Variants in SBK1 observed in about 807,000 individuals in gnomAD.
The protein encoded by SBK1 is SH3 domain binding kinase 1, also known as serine/threonine-protein kinase SBK1.
A neutral mutation model predicts 24.4 loss-of-function variants in SBK1; 11 were observed. The ratio of observed to expected loss-of-function variants is 0.45; its 90% CI spans 0.28 to 0.75. The LOEUF is 0.75. Among genes scored for constraint, SBK1 ranks in the 30% least tolerant of loss-of-function variants. The pLI, the probability that SBK1 is intolerant of heterozygous loss-of-function variation, is 0.12. For synonymous variants in SBK1, 308 were observed against 284.4 expected (o/e 1.08, Z -0.83); for missense variants, 467 against 620.5 (o/e 0.75, Z 2.63).
At chr16:28,272,992 T>C (rs1416948035) in intron 1 of SBK1, among the ~76,000 whole-genome samples, 1 of 152,138 alleles carries the variant, frequency 6.6e-6, no homozygotes, top group Non-Finnish European at 1.5e-5. Flanking sequence ...TTTTCATCCA[T>C]TCAACCCATT....
intron 1 of SBK1, among the ~76,000 whole-genome samples, chr16:28,302,965 G>GC (rs869040068): frequency 6.6e-6 from 1 of 151,858 alleles, no homozygotes; most frequent in Admixed American, 6.6e-5. Flanking sequence ...AGGGCATGGG[G>GC]GGGGGTCAGG....
chr16:28,306,877 C>T (rs1340326162), intron 1 of SBK1, among the ~76,000 whole-genome samples: 1 of 152,198 alleles, frequency 6.6e-6, no homozygotes, highest in Non-Finnish European at 1.5e-5. Context: ...TAGCTATTTT[C>T]CCAAGGGCCT....
intron 1 of SBK1, among the ~76,000 whole-genome samples, chr16:28,298,052 A>T (rs2044652966): frequency 6.6e-6 from 1 of 151,836 alleles, no homozygotes; most frequent in African/African-American, 2.4e-5. Context: ...TTTCCTGGAG[A>T]CTTTCTGCCC....
At chr16:28,281,172 T>C (rs748560515) in intron 1 of SBK1, among the ~76,000 whole-genome samples, 34 of 152,128 alleles carry the variant, frequency 2.2e-4, no homozygotes, top group Non-Finnish European at 2.4e-4. Flanking sequence ...CCACTAGGAT[T>C]TGAGCCATCC....
intron 1 of SBK1, among the ~76,000 whole-genome samples, chr16:28,294,634 C>T (rs1567675528): frequency 1.3e-5 from 2 of 152,196 alleles, no homozygotes; most frequent in African/African-American, 2.4e-5. Context: ...AGATTCTTGA[C>T]CCTACACCTG....
Position 28,319,003 on chromosome 16 carries a change from A to G in SBK1, c.235A>G (p.Met79Val), listed in dbSNP as rs2044818684. Reference sequence around the variant, plus strand: ...GCTGTTGCTCCCATCAGGCACAAAAATGGCACTGAAGTTTGTGAACAAGAG... The same window carrying G: ...GCTGTTGCTCCCATCAGGCACAAAAGTGGCACTGAAGTTTGTGAACAAGAG... The part of the protein sequence containing the change: ...LVVYKGTGTK[M>V]ALKFVNKSKT... Residue 79 changes from methionine (M) to valine (V), a missense_variant, in exon 3 of 4, where the codon ATG (methionine) becomes GTG (valine). By Grantham distance (21) the Met-to-Val change is conservative. Around this residue, in one of 4 missense-constraint regions of SBK1, gnomAD observed 123 missense variants for 158.2 expected, o/e 0.78. Coordinates refer to ENST00000341901, the MANE Select transcript of SBK1 (RefSeq NM_001024401.3). The surrounding 1 kb of genome is among the most constrained non-coding windows in gnomAD (Gnocchi z 4.0). 6.2e-7 allele frequency: 1 copy of G among 1,613,990 alleles called. No homozygotes were observed. The highest frequency in any genetic ancestry group is 8.5e-7 in the Non-Finnish European group (1 of 1,179,968).
At chr16:28,315,795 T>C (rs1224826283) in intron 1 of SBK1, among the ~76,000 whole-genome samples, 2 of 152,112 alleles carry the variant, frequency 1.3e-5, no homozygotes, top group Admixed American at 6.5e-5. Flanking sequence ...AGACGGAGTC[T>C]TGTTCTGTCG....
In SBK1 at chr16:28,317,608, A is replaced by G. The variant is rs896943465; in HGVS notation, c.217A>G (p.Lys73Glu). 1.9e-6 allele frequency: 3 copies of G among 1,611,164 alleles called. No homozygotes were observed. The highest frequency in any genetic ancestry group is 3.3e-5 in the Admixed American group (2 of 60,010). Residue 73 changes from lysine (K) to glutamate (E), a missense_variant, in exon 2 of 4, where the codon AAG (lysine) becomes GAG (glutamate). Physicochemically the swap from Lys to Glu is moderately conservative, Grantham distance 56. Coordinates refer to ENST00000341901, the MANE Select transcript of SBK1 (RefSeq NM_001024401.3). This position sits in a 1 kb window ranked among gnomAD's most constrained non-coding sequence, Gnocchi z 4.2. ...TYGKVDLVVYKGTGTKMALKF... is the reference protein window; with the variant it reads ...TYGKVDLVVYEGTGTKMALKF... ...TGGGAAGGTTGACCTGGTGGTCTAC[A>G]AGGGCACAGGTGAACAAGTGCAGGG...
At chr16:28,295,357 CT>C (rs1260552300) in intron 1 of SBK1, among the ~76,000 whole-genome samples, 4 of 152,168 alleles carry the variant, frequency 2.6e-5, no homozygotes, top group African/African-American at 9.7e-5. Flanking sequence ...TGCTCTTCCC[CT>C]GACCTGAAAA....
rs1025099125 is a variant in SBK1, at chr16:28,319,283, A to G, written c.429+86A>G. Reference sequence around the variant, plus strand: ...GGGAGTGGAGTCAGACCATTTAATTAACAAGTATTTACTGGGTGCCTGCTG... The same window carrying G: ...GGGAGTGGAGTCAGACCATTTAATTGACAAGTATTTACTGGGTGCCTGCTG... On this transcript the variant is annotated intron_variant, in intron 3 of 3. Transcript: ENST00000341901. This position sits in a 1 kb window ranked among gnomAD's most constrained non-coding sequence, Gnocchi z 4.0. The G allele has an allele frequency of 2.9e-6, 3 of 1,037,672 alleles. No individual in the cohort carries two copies. Among genetic ancestry groups the G allele is most frequent in the African/African-American group, 3.2e-5 (2 of 63,260 alleles). 64.3% of individuals were successfully genotyped at this position (1,037,672 alleles called of 1,614,324 possible). A position where few individuals can be genotyped will look rare whatever the true frequency, so the allele number is the denominator to read the frequency against.
intron 1 of SBK1, among the ~76,000 whole-genome samples, chr16:28,297,752 G>A (rs1361822621): frequency 3.3e-5 from 5 of 152,316 alleles, no homozygotes; most frequent in East Asian, 1.9e-4. Context: ...TAAATGGGGC[G>A]TCGGCAGGTG....
At chr16:28,278,599 AGT>A (rs1209399228) in intron 1 of SBK1, among the ~76,000 whole-genome samples, 3 of 152,046 alleles carry the variant, frequency 2.0e-5, no homozygotes, top group Non-Finnish European at 4.4e-5. Context: ...ACCCAGGCTG[AGT>A]TCAATGGCGC....
rs1420453989 is a variant in SBK1 at position 28,292,556 on chromosome 16, G to A, written c.-752G>A. ...GCGATGGAGCGCAGCCCGGGCGGGC[G>A]CCGGGGCCGGGGCCCGAGCGCCAGG... On this transcript the variant is annotated 5_prime_UTR_variant, in exon 1 of 4. Transcript: ENST00000341901. 3.4e-5 allele frequency: 33 copies of A among 978,748 alleles called. No homozygotes were observed. The highest frequency in any genetic ancestry group is 1.2e-4 in the East Asian group (1 of 8,640). 60.6% of individuals were successfully genotyped at this position (978,748 alleles called of 1,614,324 possible). A position where few individuals can be genotyped will look rare whatever the true frequency, so the allele number is the denominator to read the frequency against.
chr16:28,321,356 C>T lies in SBK1; in HGVS notation c.*435C>T, dbSNP rs996131082. On this transcript the variant is annotated 3_prime_UTR_variant, in exon 4 of 4. Coordinates refer to ENST00000341901, the MANE Select transcript of SBK1 (RefSeq NM_001024401.3). ...GGCAGATCATCCTGCGGTCCCACCC[C>T]AGATCCCCTCCTCCTCGCCATCCCA... 6.5e-6 allele frequency: 1 copy of T among 153,910 alleles called. No homozygotes were observed. Among genetic ancestry groups the T allele is most frequent in the Non-Finnish European group, 1.4e-5 (1 of 69,138 alleles). 9.5% of individuals were successfully genotyped at this position (153,910 alleles called of 1,614,324 possible). A position where few individuals can be genotyped will look rare whatever the true frequency, so the allele number is the denominator to read the frequency against.
intron 1 of SBK1, among the ~76,000 whole-genome samples, chr16:28,298,131 C>G (rs982187324): frequency 3.3e-5 from 5 of 152,212 alleles, no homozygotes; most frequent in African/African-American, 1.2e-4. Context: ...CCTGCTCCCC[C>G]TTTCAGGTCT....
At chr16:28,298,090 T>G (rs1308890108) in intron 1 of SBK1, among the ~76,000 whole-genome samples, 1 of 152,176 alleles carries the variant, frequency 6.6e-6, no homozygotes, top group Non-Finnish European at 1.5e-5. Flanking sequence ...GGCCAAAGTA[T>G]TCCCCAAACC....
intron 1 of SBK1, among the ~76,000 whole-genome samples, chr16:28,276,291 T>C (rs896295186): frequency 4.0e-5 from 6 of 151,862 alleles, no homozygotes; most frequent in Non-Finnish European, 5.9e-5. Flanking sequence ...CCAAGACCCC[T>C]AGGAGACTCA....
At chr16:28,305,535 T>C (rs1165710002) in intron 1 of SBK1, among the ~76,000 whole-genome samples, 1 of 146,842 alleles carries the variant, frequency 6.8e-6, no homozygotes, top group East Asian at 2.1e-4. Context: ...CTTTCTTTGT[T>C]TCTTTTTTTT....
chr16:28,319,871 G>A lies in SBK1; in HGVS notation c.430-205G>A, dbSNP rs905347331. Among the ~76,000 whole-genome samples, 1 of 152,178 alleles carries A rather than the reference G, an allele frequency of 6.6e-6. No homozygotes were observed. The highest frequency in any genetic ancestry group is 1.5e-5 in the Non-Finnish European group (1 of 68,012). On this transcript the variant is annotated intron_variant, in intron 3 of 3. Coordinates refer to ENST00000341901, the MANE Select transcript of SBK1 (RefSeq NM_001024401.3). The surrounding 1 kb of genome is among the most constrained non-coding windows in gnomAD (Gnocchi z 4.0). ...CCCGATGTCCCCATAGGAGAAGCAG[G>A]CATGGTAGCCACTATGAGGATTGGA...
Sources: gnomAD v4.1 joint callset for allele counts (sites outside exome capture counted in the v4.1 genomes callset) on GRCh38, gnomAD v4.1.1 for gene constraint, gnomAD v4.1.1 regional missense constraint, Gnocchi (gnomAD v3.1) non-coding constraint, MANE v1.5 for transcripts, NCBI Gene and HGNC (gene_info 2026-07-23, HGNC 2026-07-21) for gene names.